Variants in ZNF512 observed in about 807,000 individuals in gnomAD.
ZNF512 encodes zinc finger protein 512.
ZNF512 carries 25 observed loss-of-function variants against 77.5 expected under a neutral mutation model. The ratio of observed to expected loss-of-function variants is 0.32; its 90% CI spans 0.23 to 0.45. The LOEUF is 0.45. Among genes scored for constraint, ZNF512 ranks in the 20% least tolerant of loss-of-function variants. The probability of loss-of-function intolerance (pLI) is 1.00; values close to 1 mark genes in which losing one functional copy is unlikely to be tolerated. For synonymous variants in ZNF512, 246 were observed against 239.9 expected (o/e 1.03, Z -0.24); for missense variants, 483 against 692.6 (o/e 0.70, Z 3.40).
chr2:27,593,247 A>ACACACACACACAC lies in ZNF512; in HGVS notation c.90-4820_90-4819insCACACACACACAC, dbSNP rs1558465774. Among the ~76,000 whole-genome samples the ACACACACACACAC allele has an allele frequency of 1.7e-4, 24 of 137,340 alleles. 1 individual carries two copies. Among genetic ancestry groups the ACACACACACACAC allele is most frequent in the African/African-American group, 5.7e-4 (20 of 34,804 alleles). The allele number at this position is 137,340 out of a possible 152,430, so 90.1% of individuals were successfully genotyped here. On this transcript the variant is annotated intron_variant, in intron 2 of 13. Transcript: ENST00000355467. ...ACACACACACACACACACACACACA[A>ACACACACACACAC]AAGAATGAGCTGGGTACCGTGGCAC...
chr2:27,588,349 G>T (rs938829280), intron 2 of ZNF512, among the ~76,000 whole-genome samples: 34 of 151,972 alleles, frequency 2.2e-4, no homozygotes, highest in African/African-American at 8.0e-4. Context: ...TTAAAAAAAA[G>T]AAACTTTTGC....
chr2:27,600,846 C>T (rs372101733), intron 6 of ZNF512, 31 bp downstream of exon 6: 33 of 1,597,384 alleles, frequency 2.1e-5, no homozygotes, highest in South Asian at 3.4e-5. Context: ...ATAACTGTTA[C>T]GATATTTTTA....
At chr2:27,594,995 G>C (rs1461221800) in intron 2 of ZNF512, among the ~76,000 whole-genome samples, 3 of 152,154 alleles carry the variant, frequency 2.0e-5, no homozygotes, top group Non-Finnish European at 4.4e-5. Context: ...CAGGCGTGGC[G>C]GCGCGTGCCT....
At chr2:27,615,127 A>G in intron 10 of ZNF512, 41 bp from the exon 11 acceptor site, 3 of 1,263,976 alleles carry the variant, frequency 2.4e-6, no homozygotes, top group Non-Finnish European at 3.4e-6. Flanking sequence ...TTTGGTTGGG[A>G]GTTGTATTTA....
Position 27,621,009 on chromosome 2 carries a change from T to C in ZNF512, c.1396-144T>C, listed in dbSNP as rs890664609. ...TGTTGGATTTCTCCATCTTAAAATATAGAATCCTGAGGTATGGTTCCATAT... is the reference window on the plus strand; with the variant it reads ...TGTTGGATTTCTCCATCTTAAAATACAGAATCCTGAGGTATGGTTCCATAT... On this transcript the variant is annotated intron_variant, in intron 13 of 13. Coordinates refer to ENST00000355467, the MANE Select transcript of ZNF512 (RefSeq NM_032434.4). 4 of 880,152 alleles carry C rather than the reference T, an allele frequency of 4.5e-6. No individual in the cohort carries two copies. In the South Asian group the frequency reaches 5.4e-5, roughly 12 times the overall value. The allele number at this position is 880,152 out of a possible 1,614,324, so 54.5% of individuals were successfully genotyped here.
At position 27,593,240 on chromosome 2, in the gene ZNF512, ACACAC is replaced by A. The variant is rs1558465749; in HGVS notation, c.90-4826_90-4822del. Among the ~76,000 whole-genome samples, 32 of 148,324 alleles carry A rather than the reference ACACAC, an allele frequency of 2.2e-4. 1 individual carries two copies. Among genetic ancestry groups the A allele is most frequent in the South Asian group, 4.3e-4 (2 of 4,698 alleles). On this transcript the variant is annotated intron_variant, in intron 2 of 13. Transcript: ENST00000355467. ...CACACACACACACACACACACACAC[ACACAC>A]AAAAGAATGAGCTGGGTACCGTGGC... is the stretch of plus-strand genomic sequence containing the variant.
intron 13 of ZNF512, among the ~76,000 whole-genome samples, chr2:27,620,599 AT>A (rs1257205557): frequency 6.6e-6 from 1 of 152,174 alleles, no homozygotes; most frequent in African/African-American, 2.4e-5. Flanking sequence ...GAATTGGTAG[AT>A]TTAGAAGATT....
chr2:27,607,143 TTTGA>T (rs1672403343), intron 9 of ZNF512, among the ~76,000 whole-genome samples: 2 of 152,136 alleles, frequency 1.3e-5, no homozygotes, highest in African/African-American at 2.4e-5. Context: ...TAGATTTATG[TTTGA>T]TTGACTAACT....
At chr2:27,607,170 C>T (rs1458689540) in intron 9 of ZNF512, among the ~76,000 whole-genome samples, 1 of 152,064 alleles carries the variant, frequency 6.6e-6, no homozygotes, top group Non-Finnish European at 1.5e-5. Context: ...TGACTGTATC[C>T]CAGCCAACTT....
At chr2:27,583,262 C>A in intron 1 of ZNF512, 120 bp downstream of exon 1, 1 of 1,446,398 alleles carries the variant, frequency 6.9e-7, no homozygotes, top group Non-Finnish European at 9.7e-7. Context: ...TAGGCCCCAC[C>A]CTTCTAGATC....
At chr2:27,617,451 T>A (rs1672932342) in intron 12 of ZNF512, 22 bp from the exon 13 acceptor site, 3 of 982,586 alleles carry the variant, frequency 3.1e-6, no homozygotes, top group Non-Finnish European at 5.0e-6. Context: ...GTAATTCTTT[T>A]TTGTTTCTCT....
chr2:27,616,139 T>G, intron 11 of ZNF512, 123 bp from the exon 12 acceptor site: 1 of 664,032 alleles, frequency 1.5e-6, no homozygotes, highest in Non-Finnish European at 2.6e-6. Context: ...TTTTCGTTTG[T>G]TTTGTGGCAC....
At chr2:27,609,383 A>C (rs1672510740) in intron 10 of ZNF512, among the ~76,000 whole-genome samples, 2 of 152,146 alleles carry the variant, frequency 1.3e-5, no homozygotes, top group South Asian at 4.1e-4. Context: ...TATTTATCTC[A>C]TGATATTACA....
At chr2:27,593,932 T>C (rs1242202467) in intron 2 of ZNF512, among the ~76,000 whole-genome samples, 10 of 152,158 alleles carry the variant, frequency 6.6e-5, no homozygotes, top group Non-Finnish European at 4.4e-5. Context: ...GTCTACTTCT[T>C]TCTACACAGA....
chr2:27,610,520 A>ATG (rs1208727610), intron 10 of ZNF512, among the ~76,000 whole-genome samples: 1 of 115,218 alleles, frequency 8.7e-6, no homozygotes, highest in African/African-American at 3.4e-5. Context: ...ATGTGTGTAT[A>ATG]TGTGTGTGTA....
At chr2:27,595,684 C>T (rs555964907) in intron 2 of ZNF512, among the ~76,000 whole-genome samples, 61 of 152,288 alleles carry the variant, frequency 4.0e-4, no homozygotes, top group African/African-American at 1.4e-3. Context: ...TCTGTCATCT[C>T]CATTCTATTA....
At chr2:27,597,985 C>T in intron 2 of ZNF512, 82 bp from the exon 3 acceptor site, 3 of 1,204,928 alleles carry the variant, frequency 2.5e-6, no homozygotes, top group East Asian at 2.4e-5. Flanking sequence ...CAGAGGTAAC[C>T]AACTTGGTTA....
chr2:27,602,567 G>A lies in ZNF512; in HGVS notation c.768+6G>A, dbSNP rs755643764. The A allele has an allele frequency of 8.7e-6, 14 of 1,605,580 alleles. No homozygotes were observed. Among genetic ancestry groups the A allele is most frequent in the Admixed American group, 3.5e-5 (2 of 57,484 alleles). On this transcript the variant is annotated splice_donor_region_variant and intron_variant, in intron 8 of 13. Coordinates refer to ENST00000355467, the MANE Select transcript of ZNF512 (RefSeq NM_032434.4). The stretch of plus-strand genomic sequence containing the variant: ...AGCTCAGGTGCATGCGTGAGGTAAG[G>A]GCCCAAGGACAGCAATTCCTTCTGC...
intron 2 of ZNF512, among the ~76,000 whole-genome samples, chr2:27,595,853 AC>A (rs1318257262): frequency 6.6e-6 from 1 of 151,780 alleles, no homozygotes; most frequent in Non-Finnish European, 1.5e-5. Context: ...TTTTTTGTTG[AC>A]AGTATTTGAT....
Sources: allele counts gnomAD v4.1 joint callset (sites outside exome capture counted in the v4.1 genomes callset), GRCh38; gene constraint gnomAD v4.1.1; transcripts MANE v1.5; gene names NCBI Gene and HGNC (gene_info 2026-07-23, HGNC 2026-07-21).